HMGCS1: variants seen among roughly 807,000 people sequenced by gnomAD.
HMGCS1 encodes the protein hydroxymethylglutaryl-CoA synthase, cytoplasmic.
In HMGCS1, 9 loss-of-function variants were observed where a neutral mutation model predicts 52.3. That is an observed-to-expected ratio of 0.17 (90% CI 0.10 to 0.30). The LOEUF is 0.30. Ranked by LOEUF, HMGCS1 falls within the 10% of genes least tolerant of loss-of-function variation. HMGCS1 has a pLI of 1.00. For missense variants in HMGCS1, 320 were observed against 620.9 expected, an observed-to-expected ratio of 0.52 and a Z score of 5.15; for synonymous variants, 176 against 214.4, an observed-to-expected ratio of 0.82 and a Z score of 1.57.
Position 43,297,111 on chromosome 5 carries a change from T to C in HMGCS1, c.630A>G (p.Leu210=). Residue 210 remains leucine (L), a synonymous_variant, in exon 5 of 11, where the codon CTA becomes CTG. Transcript: ENST00000325110. Reference sequence around the variant, plus strand: ...TTCCATCTACTATAGGATATTCAGATAGCATATCAGGCTTGTAAAAATCAT... The same window carrying C: ...TTCCATCTACTATAGGATATTCAGACAGCATATCAGGCTTGTAAAAATCAT... ...HAYDFYKPDM[L]SEYPIVDGKL... 5 of 1,613,356 alleles carry C rather than the reference T, an allele frequency of 3.1e-6. No individual in the cohort carries two copies. The highest frequency in any genetic ancestry group is 4.2e-6 in the Non-Finnish European group (5 of 1,179,294).
chr5:43,295,011 G>A, intron 6 of HMGCS1, 150 bp from the exon 7 acceptor site: 1 of 515,550 alleles, frequency 1.9e-6, no homozygotes, highest in Non-Finnish European at 3.4e-6. Flanking sequence ...AATTGCTATA[G>A]AAATCATAAC....
chr5:43,306,479 T>C (rs955118165), intron 2 of HMGCS1, among the ~76,000 whole-genome samples: 1 of 152,146 alleles, frequency 6.6e-6, no homozygotes, highest in Non-Finnish European at 1.5e-5. Flanking sequence ...TGTCTAACCA[T>C]TGTCAAGATG....
At chr5:43,310,951 C>T (rs563213043) in intron 1 of HMGCS1, among the ~76,000 whole-genome samples, 7 of 152,174 alleles carry the variant, frequency 4.6e-5, no homozygotes, top group South Asian at 2.1e-4. Flanking sequence ...TTAGCCTCTC[C>T]GCTACTGGTG....
chr5:43,291,513 C>T (rs374827153), intron 10 of HMGCS1, among the ~76,000 whole-genome samples: 11 of 151,972 alleles, frequency 7.2e-5, no homozygotes, highest in South Asian at 2.1e-4. Flanking sequence ...CAAACAGTGG[C>T]GGTTTGACTT....
chr5:43,312,889 C>G (rs866512949), intron 1 of HMGCS1: 1 of 152,244 alleles, frequency 6.6e-6, no homozygotes. Flanking sequence ...GCAGGACACA[C>G]CCCCTGCGAA....
At chr5:43,308,222 G>A (rs1754674191) in intron 1 of HMGCS1, among the ~76,000 whole-genome samples, 1 of 152,188 alleles carries the variant, frequency 6.6e-6, no homozygotes, top group African/African-American at 2.4e-5. Context: ...AGAGATATAT[G>A]CAGTCAAGAG....
intron 2 of HMGCS1, among the ~76,000 whole-genome samples, chr5:43,299,179 CTT>C (rs1158059180): frequency 1.3e-5 from 2 of 152,062 alleles, no homozygotes; most frequent in Non-Finnish European, 2.9e-5. Flanking sequence ...AAATTATAGT[CTT>C]TTAGAAAGGC....
intron 2 of HMGCS1, among the ~76,000 whole-genome samples, chr5:43,307,499 T>C (rs1449028425): frequency 2.0e-5 from 3 of 152,254 alleles, no homozygotes; most frequent in Non-Finnish European, 4.4e-5. Flanking sequence ...TCCATGTAAT[T>C]ACATTTTATT....
intron 9 of HMGCS1, 82 bp downstream of exon 9, chr5:43,292,766 G>T: frequency 6.5e-7 from 1 of 1,530,568 alleles, no homozygotes; most frequent in Non-Finnish European, 9.0e-7. Context: ...GTAAAGTCTT[G>T]ATATCCTTAT....
At chr5:43,312,695 CA>C (rs112355768) in intron 1 of HMGCS1, among the ~76,000 whole-genome samples, 3 of 149,792 alleles carry the variant, frequency 2.0e-5, no homozygotes, top group Admixed American at 6.6e-5. Flanking sequence ...AAAACGTAGA[CA>C]AAAAAAAATA....
intron 2 of HMGCS1, among the ~76,000 whole-genome samples, chr5:43,307,298 C>T (rs1306185015): frequency 6.6e-6 from 1 of 151,998 alleles, no homozygotes; most frequent in Non-Finnish European, 1.5e-5. Context: ...GTCTCAAATT[C>T]CTGACCTCAG....
chr5:43,298,913 C>T lies in HMGCS1; in HGVS notation c.53G>A (p.Gly18Glu). ...AAAATAGATCTCAAGGGCAACAATTCCCACATCTTTTGGCCAGCAAGCTTC... is the reference window on the plus strand; with the variant it reads ...AAAATAGATCTCAAGGGCAACAATTTCCACATCTTTTGGCCAGCAAGCTTC... ...NAEACWPKDV[G>E]IVALEIYFPS... The change falls in exon 3 of 11, where the codon GGA (glycine) becomes GAA (glutamate). Residue 18 changes from glycine to glutamate, a missense_variant. By Grantham distance (98) the Gly-to-Glu change is moderately conservative. This residue lies in a region of HMGCS1 where 22 missense variants were observed against 23.5 expected (regional missense o/e 0.94). Transcript: ENST00000325110. This position sits in a 1 kb window ranked among gnomAD's most constrained non-coding sequence, Gnocchi z 5.6. 1 of 1,614,020 alleles carries T rather than the reference C, an allele frequency of 6.2e-7. No individual in the cohort carries two copies.
At chr5:43,302,314 C>T (rs1754359935) in intron 2 of HMGCS1, among the ~76,000 whole-genome samples, 1 of 152,152 alleles carries the variant, frequency 6.6e-6, no homozygotes, top group African/African-American at 2.4e-5. Flanking sequence ...TCCCTCTACC[C>T]TTTACTCTCA....
intron 1 of HMGCS1, among the ~76,000 whole-genome samples, chr5:43,308,862 CTTCA>C (rs1484213218): frequency 3.3e-5 from 5 of 152,058 alleles, no homozygotes; most frequent in African/African-American, 1.2e-4. Context: ...GCGCCTTTTA[CTTCA>C]TTAACTAAGT....
chr5:43,291,079 A>ACCCCCCCCCCCAGGCCC lies in HMGCS1; in HGVS notation c.*51_*52insGGGCCTGGGGGGGGGGG. 1 of 780,098 alleles carries ACCCCCCCCCCCAGGCCC rather than the reference A, an allele frequency of 1.3e-6. No individual in the cohort carries two copies. Among genetic ancestry groups the ACCCCCCCCCCCAGGCCC allele is most frequent in the Non-Finnish European group, 2.3e-6 (1 of 430,612 alleles). 48.3% of individuals were successfully genotyped at this position (780,098 alleles called of 1,614,324 possible). ...ATCCCATTCCTCCAACTGTTCCCAT[A>ACCCCCCCCCCCAGGCCC]CCCCCACCCCATGCCCACCCCACCC... On this transcript the variant is annotated 3_prime_UTR_variant, in exon 11 of 11. Coordinates refer to ENST00000325110, the MANE Select transcript of HMGCS1 (RefSeq NM_001098272.3).
chr5:43,292,634 T>C lies in HMGCS1; in HGVS notation c.1313A>G (p.Asn438Ser), dbSNP rs762425498. 5 of 1,610,470 alleles carry C rather than the reference T, an allele frequency of 3.1e-6. No individual in the cohort carries two copies. Among genetic ancestry groups the C allele is most frequent in the African/African-American group, 2.7e-5 (2 of 74,822 alleles). ...KLREDTHHLVNYIPQGSIDSL... is the reference protein window; with the variant it reads ...KLREDTHHLVSYIPQGSIDSL... ...ATCTATTGAACCCTGGGGAATATAGTTGACTAAAGGAAAGGGAGAGAATAT... is the reference window on the plus strand; with the variant it reads ...ATCTATTGAACCCTGGGGAATATAGCTGACTAAAGGAAAGGGAGAGAATAT... Residue 438 changes from asparagine to serine, a missense_variant, in exon 10 of 11, where the codon AAC becomes AGC. Coordinates refer to ENST00000325110, the MANE Select transcript of HMGCS1 (RefSeq NM_001098272.3).
chr5:43,294,995 C>A (rs1753959966), intron 6 of HMGCS1, 134 bp from the exon 7 acceptor site: 1 of 524,860 alleles, frequency 1.9e-6, no homozygotes, highest in East Asian at 3.0e-5. Context: ...CAAGTAGCAG[C>A]AATCTAATTG....
intron 1 of HMGCS1, among the ~76,000 whole-genome samples, chr5:43,309,968 A>C (rs1754779233): frequency 6.6e-6 from 1 of 152,244 alleles, no homozygotes; most frequent in Non-Finnish European, 1.5e-5. Flanking sequence ...CTCCCTCCTT[A>C]GCCTTGATTC....
chr5:43,289,805 A>G lies in HMGCS1; in HGVS notation c.*1326T>C, dbSNP rs1446861490. The G allele has an allele frequency of 6.6e-6, 1 of 152,648 alleles. No individual in the cohort carries two copies. The highest frequency in any genetic ancestry group is 2.4e-5 in the African/African-American group (1 of 41,450). 9.5% of individuals were successfully genotyped at this position (152,648 alleles called of 1,614,324 possible). ...TCATATTTGTGTATATTTATTTTAG[A>G]TAACTGAAACTTCACAGAATTTAAC... On this transcript the variant is annotated 3_prime_UTR_variant, in exon 11 of 11. Transcript: ENST00000325110.
Sources: allele counts gnomAD v4.1 joint callset (sites outside exome capture counted in the v4.1 genomes callset), GRCh38; gene constraint gnomAD v4.1.1; regional missense constraint gnomAD v4.1.1; non-coding constraint Gnocchi (gnomAD v3.1); transcripts MANE v1.5; gene names NCBI Gene and HGNC (gene_info 2026-07-23, HGNC 2026-07-21).